CAMK2G: variants seen among roughly 807,000 people sequenced by gnomAD.
The protein encoded by CAMK2G is calcium/calmodulin-dependent protein kinase type II subunit gamma.
Under a neutral mutation model 88.7 loss-of-function variants are expected in CAMK2G, and 23 were observed. The ratio of observed to expected loss-of-function variants is 0.26; its 90% confidence interval spans 0.19 to 0.37. The LOEUF (loss-of-function observed/expected upper bound fraction) is 0.37. Among genes scored for constraint, CAMK2G ranks in the 10% least tolerant of loss-of-function variants. The pLI is 1.00. For missense variants in CAMK2G, 476 were observed against 780.8 expected, an observed-to-expected ratio of 0.61 and a Z score of 4.65; for synonymous variants, 263 against 294.8, an observed-to-expected ratio of 0.89 and a Z score of 1.11.
chr10:73,814,682 C>T (rs545784161), intron 22 of CAMK2G, 177 bp from the exon 23 acceptor site: 89 of 290,668 alleles, frequency 3.1e-4, no homozygotes, highest in Non-Finnish European at 5.1e-4. Context: ...TAACTAAGTG[C>T]TTTACTTATA....
At chr10:73,841,269 T>C (rs2134375608) in intron 12 of CAMK2G, among the ~76,000 whole-genome samples, 1 of 151,620 alleles carries the variant, frequency 6.6e-6, no homozygotes, top group East Asian at 1.9e-4. Context: ...CTTTCCATGG[T>C]GGTGCAGAGG....
At chr10:73,817,259 T>G in intron 20 of CAMK2G, 142 bp from the exon 21 acceptor site, 1 of 1,225,424 alleles carries the variant, frequency 8.2e-7, no homozygotes, top group Non-Finnish European at 1.1e-6. Context: ...CAGGCCTGCC[T>G]GCTGAGCCAC....
At chr10:73,828,163 G>A in intron 14 of CAMK2G, 42 bp from the exon 15 acceptor site, 2 of 1,545,958 alleles carry the variant, frequency 1.3e-6, no homozygotes, top group Non-Finnish European at 1.8e-6. Flanking sequence ...GGGGAAAGAG[G>A]AGGTAAGAAG....
At position 73,847,319 on chromosome 10, in the gene CAMK2G, G is replaced by A; in HGVS notation, c.725C>T (p.Thr242Ile). 1 of 1,614,158 alleles carries A rather than the reference G, an allele frequency of 6.2e-7. No homozygotes were observed. The highest frequency in any genetic ancestry group is 8.5e-7 in the Non-Finnish European group (1 of 1,179,980). ...DFPSPEWDTV[T>I]PEAKNLINQM... ...GTTGATCAAGTTCTTGGCTTCAGGA[G>A]TTACCGTGTCCCATTCTGGTGATGG... Residue 242 changes from threonine to isoleucine, a missense_variant, in exon 10 of 23, where the codon ACT becomes ATT. Coordinates refer to ENST00000423381, the MANE Select transcript of CAMK2G (RefSeq NM_001367534.1).
intron 18 of CAMK2G, among the ~76,000 whole-genome samples, 166 bp from the exon 19 acceptor site, chr10:73,819,811 ACGC>A (rs1204972552): frequency 6.6e-6 from 1 of 152,180 alleles, no homozygotes; most frequent in African/African-American, 2.4e-5. Flanking sequence ...ACGACATCCC[ACGC>A]CGCCGCCTCT....
intron 4 of CAMK2G, 75 bp downstream of exon 4, chr10:73,853,117 T>G: frequency 7.2e-7 from 1 of 1,384,124 alleles, no homozygotes; most frequent in Non-Finnish European, 1.0e-6. Context: ...AGAGCCTGTT[T>G]AGGCCTCTTC....
At chr10:73,854,522 T>C (rs1196816278) in intron 3 of CAMK2G, among the ~76,000 whole-genome samples, 1 of 152,148 alleles carries the variant, frequency 6.6e-6, no homozygotes, top group East Asian at 1.9e-4. Context: ...CGGTTTGACC[T>C]TTGCTCCAAG....
At chr10:73,832,632 C>T (rs2092631714) in intron 14 of CAMK2G, among the ~76,000 whole-genome samples, 1 of 152,106 alleles carries the variant, frequency 6.6e-6, no homozygotes. Flanking sequence ...ATACCACTTC[C>T]TTCACTTAAT....
At chr10:73,822,019 C>CTTCTGG (rs2089033977) in intron 17 of CAMK2G, among the ~76,000 whole-genome samples, 1 of 152,168 alleles carries the variant, frequency 6.6e-6, no homozygotes, top group South Asian at 2.1e-4. Context: ...AAAATAAAAT[C>CTTCTGG]TTCTGGTTCT....
intron 3 of CAMK2G, among the ~76,000 whole-genome samples, chr10:73,856,523 C>T (rs778632847): frequency 3.9e-5 from 6 of 152,152 alleles, no homozygotes; most frequent in Non-Finnish European, 7.3e-5. Context: ...AGCTGCCAGG[C>T]GAAGAGGGAA....
chr10:73,866,860 C>T (rs1565515250), intron 2 of CAMK2G, among the ~76,000 whole-genome samples: 1 of 152,204 alleles, frequency 6.6e-6, no homozygotes, highest in Non-Finnish European at 1.5e-5. Context: ...TATGCACAGC[C>T]CTGGGCCTGG....
Position 73,830,089 on chromosome 10 carries a change from C to T in CAMK2G, c.1054-1968G>A, listed in dbSNP as rs376867137. On this transcript the variant is annotated intron_variant, in intron 14 of 22. Coordinates refer to ENST00000423381, the MANE Select transcript of CAMK2G (RefSeq NM_001367534.1). The stretch of plus-strand genomic sequence containing the variant: ...ATGGGGAATAAGTTCTCAGCCTTCT[C>T]CTGGCTTGCTCTCTTTTTCCTAAAT... 1.1e-3 allele frequency among the ~76,000 whole-genome samples: 160 copies of T among 152,288 alleles called. 1 individual carries two copies. Among genetic ancestry groups the T allele is most frequent in the African/African-American group, 3.7e-3 (154 of 41,572 alleles).
Position 73,813,379 on chromosome 10 carries a change from A to T in CAMK2G, c.*1139T>A, listed in dbSNP as rs1465302422. 6.5e-6 allele frequency: 1 copy of T among 152,692 alleles called. No individual in the cohort carries two copies. The highest frequency in any genetic ancestry group is 2.4e-5 in the African/African-American group (1 of 41,474). The allele number at this position is 152,692 out of a possible 1,614,324, so 9.5% of individuals were successfully genotyped here. Reference sequence around the variant, plus strand: ...GAGCAGTCAGGTCAATCTCAAAGACAGGAAAAGAGATGGACGTGCAGCAAG... The same window carrying T: ...GAGCAGTCAGGTCAATCTCAAAGACTGGAAAAGAGATGGACGTGCAGCAAG... On this transcript the variant is annotated 3_prime_UTR_variant, in exon 23 of 23. Transcript: ENST00000423381.
chr10:73,868,354 C>T (rs1035809781), intron 2 of CAMK2G, among the ~76,000 whole-genome samples: 3 of 152,158 alleles, frequency 2.0e-5, no homozygotes, highest in Non-Finnish European at 4.4e-5. Context: ...CCCCAAGTCA[C>T]TCTAGGAAGA....
intron 10 of CAMK2G, among the ~76,000 whole-genome samples, chr10:73,845,082 A>C (rs1401495150): frequency 6.6e-6 from 1 of 152,148 alleles, no homozygotes; most frequent in African/African-American, 2.4e-5. Flanking sequence ...ATAGAAGCTC[A>C]CCGTAAGAAC....
At position 73,817,423 on chromosome 10, in the gene CAMK2G, C is replaced by T. The variant is rs2086034716; in HGVS notation, c.1439+56G>A. The T allele has an allele frequency of 9.1e-6, 11 of 1,208,810 alleles. No individual in the cohort carries two copies. The South Asian group carries it at 1.2e-4, about 13-fold the overall frequency. 74.9% of individuals were successfully genotyped at this position (1,208,810 alleles called of 1,614,324 possible). A position where few individuals can be genotyped will look rare whatever the true frequency, so the allele number is the denominator to read the frequency against. On this transcript the variant is annotated intron_variant, in intron 20 of 22. Coordinates refer to ENST00000423381, the MANE Select transcript of CAMK2G (RefSeq NM_001367534.1). ...CAGGGTCCTAATTGTTGTCTGGAAG[C>T]AGGGAAGGCCTTGGGAGATGACTTA... is the stretch of plus-strand genomic sequence containing the variant.
intron 17 of CAMK2G, among the ~76,000 whole-genome samples, chr10:73,822,642 T>C (rs2089366270): frequency 6.6e-6 from 1 of 152,078 alleles, no homozygotes; most frequent in Admixed American, 6.6e-5. Context: ...CACTCTCCTA[T>C]GGTTCTCCCC....
At chr10:73,826,185 C>A (rs1052770367) in intron 15 of CAMK2G, among the ~76,000 whole-genome samples, 1 of 152,192 alleles carries the variant, frequency 6.6e-6, no homozygotes, top group Non-Finnish European at 1.5e-5. Context: ...GTAATCTCAG[C>A]ACTTTGGGAG....
chr10:73,848,338 C>A lies in CAMK2G; in HGVS notation c.601+188G>T, dbSNP rs935812957. ...GGCAAATCCCTCTCCAAGAAGGATACAATGTCATCCCAGAAGTACGCAGGG... is the reference window on the plus strand; with the variant it reads ...GGCAAATCCCTCTCCAAGAAGGATAAAATGTCATCCCAGAAGTACGCAGGG... On this transcript the variant is annotated intron_variant, in intron 8 of 22. Transcript: ENST00000423381. This position sits in a 1 kb window ranked among gnomAD's most constrained non-coding sequence, Gnocchi z 4.5. Among the ~76,000 whole-genome samples, 1 of 152,206 alleles carries A rather than the reference C, an allele frequency of 6.6e-6. No individual in the cohort carries two copies. The highest frequency in any genetic ancestry group is 1.5e-5 in the Non-Finnish European group (1 of 68,044).
Sources: allele counts gnomAD v4.1 joint callset (sites outside exome capture counted in the v4.1 genomes callset), GRCh38; gene constraint gnomAD v4.1.1; non-coding constraint Gnocchi (gnomAD v3.1); transcripts MANE v1.5; gene names NCBI Gene and HGNC (gene_info 2026-07-23, HGNC 2026-07-21).